Variants in SLC35F4 observed in about 807,000 individuals in gnomAD.
The protein encoded by SLC35F4 is solute carrier family 35 member F4.
Under a neutral mutation model 44.2 loss-of-function variants are expected in SLC35F4, and 24 were observed. That is an observed-to-expected ratio of 0.54 (90% CI 0.39 to 0.76). SLC35F4 has a LOEUF of 0.76. SLC35F4 is among the 30% of genes least tolerant of loss of function. SLC35F4 has a pLI of 0.00. For missense variants in SLC35F4, 562 were observed against 586.1 expected (o/e 0.96, Z 0.42); for synonymous variants, 238 against 223.6 (o/e 1.06, Z -0.57).
chr14:57,970,017 G>A (rs1221939121), intron 1 of SLC35F4, among the ~76,000 whole-genome samples: 1 of 152,104 alleles, frequency 6.6e-6, no homozygotes, highest in Non-Finnish European at 1.5e-5. Context: ...TTCAAATTAG[G>A]AAAATTAGAC....
chr14:57,943,665 C>T (rs1005181253), intron 1 of SLC35F4, among the ~76,000 whole-genome samples: 14 of 152,174 alleles, frequency 9.2e-5, no homozygotes, highest in African/African-American at 3.4e-4. Flanking sequence ...GTAGACTTCC[C>T]CAGCCCCGAT....
intron 1 of SLC35F4, among the ~76,000 whole-genome samples, chr14:57,858,670 A>G (rs575194927): frequency 1.3e-5 from 2 of 151,612 alleles, no homozygotes; most frequent in Non-Finnish European, 2.9e-5. Context: ...CCTAGAACTT[A>G]AAGTATAATT....
chr14:57,598,636 G>A (rs530606125), intron 1 of SLC35F4, among the ~76,000 whole-genome samples: 1 of 152,324 alleles, frequency 6.6e-6, no homozygotes, highest in South Asian at 2.1e-4. Flanking sequence ...TGACTTGGAA[G>A]ATACAGATAG....
intron 1 of SLC35F4, among the ~76,000 whole-genome samples, chr14:57,692,777 C>T (rs1293558326): frequency 6.6e-6 from 1 of 151,922 alleles, no homozygotes; most frequent in Non-Finnish European, 1.5e-5. Context: ...CTGAAAAACC[C>T]TTACTTATAA....
chr14:57,753,220 T>G (rs1225572354), intron 1 of SLC35F4, among the ~76,000 whole-genome samples: 1 of 152,192 alleles, frequency 6.6e-6, no homozygotes, highest in African/African-American at 2.4e-5. Flanking sequence ...ATAATCTTCT[T>G]GGGATTGTGT....
At chr14:57,732,042 G>T (rs1209547844) in intron 1 of SLC35F4, among the ~76,000 whole-genome samples, 3 of 152,152 alleles carry the variant, frequency 2.0e-5, no homozygotes, top group Admixed American at 6.5e-5. Context: ...CTAAGCCAGG[G>T]TTAGGTCAAA....
At chr14:57,693,025 A>G (rs79454739) in intron 1 of SLC35F4, among the ~76,000 whole-genome samples, 22,556 of 152,178 alleles carry the variant, frequency 0.15, 1,898 homozygotes, top group East Asian at 0.29. Flanking sequence ...AAAATCCCAT[A>G]TGTTTCATTA....
At chr14:57,754,371 C>G (rs1215763860) in intron 1 of SLC35F4, among the ~76,000 whole-genome samples, 3 of 152,128 alleles carry the variant, frequency 2.0e-5, no homozygotes, top group African/African-American at 7.2e-5. Context: ...TCCCAAAGTA[C>G]TGGGATTACA....
intron 1 of SLC35F4, among the ~76,000 whole-genome samples, chr14:57,798,557 A>T (rs935696233): frequency 6.6e-6 from 1 of 152,224 alleles, no homozygotes; most frequent in African/African-American, 2.4e-5. Context: ...CCATCCTGTC[A>T]TATTATCTGA....
At chr14:57,693,500 C>A (rs2075292675) in intron 1 of SLC35F4, among the ~76,000 whole-genome samples, 1 of 152,202 alleles carries the variant, frequency 6.6e-6, no homozygotes, top group South Asian at 2.1e-4. Context: ...GCGATCTGTG[C>A]CTTAAGGACA....
At chr14:57,697,514 A>G (rs2075417393) in intron 1 of SLC35F4, among the ~76,000 whole-genome samples, 1 of 152,122 alleles carries the variant, frequency 6.6e-6, no homozygotes, top group African/African-American at 2.4e-5. Context: ...AAACCTGGGC[A>G]ACATGGCAAA....
chr14:57,756,882 G>C (rs918583248), intron 1 of SLC35F4, among the ~76,000 whole-genome samples: 18 of 151,522 alleles, frequency 1.2e-4, no homozygotes, highest in Admixed American at 1.1e-3. Context: ...AGCTGATCTC[G>C]AACTCCTGAG....
In SLC35F4 at chr14:57,865,935, T is replaced by A. The variant is rs1422290630; in HGVS notation, c.-110A>T. The A allele has an allele frequency of 4.7e-6, 3 of 639,440 alleles. No individual in the cohort carries two copies. In the African/African-American group the frequency reaches 5.9e-5, roughly 13 times the overall value. The allele number at this position is 639,440 out of a possible 1,614,324, so 39.6% of individuals were successfully genotyped here. A position where few individuals can be genotyped will look rare whatever the true frequency, so the allele number is the denominator to read the frequency against. On this transcript the variant is annotated 5_prime_UTR_variant, in exon 1 of 8. Transcript: ENST00000556826. The stretch of plus-strand genomic sequence containing the variant: ...CTGGTGCTGATCTTGCAGCTCCTGC[T>A]CCCGCGCCCGGGCTCTGACTCCACC...
In SLC35F4 at chr14:57,669,409, A is replaced by T. The variant is rs1382965251; in HGVS notation, c.104-75285T>A. ...AGAGAGGGCATCCCTGTCTTGTGCCAGTTTTGAAAAGGAATGCTTCCAGTT... is the reference window on the plus strand; with the variant it reads ...AGAGAGGGCATCCCTGTCTTGTGCCTGTTTTGAAAAGGAATGCTTCCAGTT... On this transcript the variant is annotated intron_variant, in intron 1 of 7. Transcript: ENST00000556826. Among the ~76,000 whole-genome samples the T allele has an allele frequency of 2.0e-5, 3 of 152,090 alleles. No individual in the cohort carries two copies. The East Asian group carries it at 5.8e-4, about 29-fold the overall frequency.
intron 1 of SLC35F4, chr14:57,630,712 T>C: frequency 1.8e-6 from 1 of 556,012 alleles, no homozygotes; most frequent in East Asian, 3.4e-5. Flanking sequence ...TGATCATTTT[T>C]AGGCGTGTGT....
intron 1 of SLC35F4, among the ~76,000 whole-genome samples, chr14:57,674,378 C>G (rs2074620285): frequency 6.6e-6 from 1 of 152,060 alleles, no homozygotes; most frequent in African/African-American, 2.4e-5. Flanking sequence ...TACTTTTACC[C>G]TAAAATAAAA....
intron 2 of SLC35F4, among the ~76,000 whole-genome samples, chr14:57,593,203 G>T (rs1437451858): frequency 6.6e-6 from 1 of 152,204 alleles, no homozygotes; most frequent in Admixed American, 6.5e-5. Flanking sequence ...ATGAGAGGAA[G>T]TGAATTTAAA....
intron 1 of SLC35F4, among the ~76,000 whole-genome samples, chr14:57,896,330 C>A (rs1430581368): frequency 6.6e-6 from 1 of 152,134 alleles, no homozygotes; most frequent in African/African-American, 2.4e-5. Flanking sequence ...CATAGACATA[C>A]TTTTATGAAG....
chr14:57,844,536 T>C (rs1291917416), intron 1 of SLC35F4, among the ~76,000 whole-genome samples: 4 of 152,166 alleles, frequency 2.6e-5, no homozygotes, highest in African/African-American at 4.8e-5. Flanking sequence ...ACCAATATTG[T>C]TCTCCTATAC....
Sources: gnomAD v4.1 joint callset for allele counts (sites outside exome capture counted in the v4.1 genomes callset) on GRCh38, gnomAD v4.1.1 for gene constraint, MANE v1.5 for transcripts, NCBI Gene and HGNC (gene_info 2026-07-23, HGNC 2026-07-21) for gene names.